Variants in MTREX observed in about 807,000 individuals in gnomAD.
MTREX encodes exosome RNA helicase MTR4.
MTREX carries 76 observed loss-of-function variants against 135.4 expected under a neutral mutation model. That is an observed-to-expected ratio of 0.56 (90% CI 0.47 to 0.68). The LOEUF (loss-of-function observed/expected upper bound fraction) is 0.68. Among genes scored for constraint, MTREX ranks in the 30% least tolerant of loss-of-function variants. The pLI is 0.00. For missense variants in MTREX, 920 were observed against 1,262.1 expected (o/e 0.73, Z 4.11); for synonymous variants, 404 against 401.6 (o/e 1.01, Z -0.07).
At chr5:55,317,045 C>G (rs1454972494) in intron 1 of MTREX, among the ~76,000 whole-genome samples, 7 of 151,892 alleles carry the variant, frequency 4.6e-5, no homozygotes, top group African/African-American at 1.5e-4. Flanking sequence ...CACCTCCCCC[C>G]TCCCACACAC....
At chr5:55,347,177 A>G (rs371642337) in intron 11 of MTREX, 33 bp downstream of exon 11, 12 of 1,558,806 alleles carry the variant, frequency 7.7e-6, no homozygotes, top group African/African-American at 4.2e-5. Context: ...TTTTAATGTT[A>G]TGTGAAAATG....
At chr5:55,336,310 C>G (rs1749552354) in intron 5 of MTREX, among the ~76,000 whole-genome samples, 1 of 152,106 alleles carries the variant, frequency 6.6e-6, no homozygotes, top group South Asian at 2.1e-4. Context: ...AGGAAGAAAG[C>G]ATTCAGTCTT....
At chr5:55,335,477 A>G (rs1749539884) in intron 5 of MTREX, among the ~76,000 whole-genome samples, 1 of 151,968 alleles carries the variant, frequency 6.6e-6, no homozygotes, top group Non-Finnish European at 1.5e-5. Context: ...TTCTCAAGTT[A>G]GTTTTTCTGT....
chr5:55,394,254 A>T (rs1453308602), intron 19 of MTREX, among the ~76,000 whole-genome samples: 2 of 152,158 alleles, frequency 1.3e-5, no homozygotes, highest in African/African-American at 4.8e-5. Flanking sequence ...TTCACTCTGG[A>T]TGTCGGCTAT....
Position 55,343,351 on chromosome 5 carries a change from G to T in MTREX, c.802G>T (p.Glu268Ter). The T allele has an allele frequency of 6.2e-7, 1 of 1,612,218 alleles. No homozygotes were observed. The highest frequency in any genetic ancestry group is 1.1e-5 in the South Asian group (1 of 90,894). The change falls in exon 8 of 27, where the codon GAA (glutamate) becomes TAA (stop). Residue 268 changes from glutamate (E) to a stop codon, truncating the protein, a stop_gained. Coordinates refer to ENST00000230640, the MANE Select transcript of MTREX (RefSeq NM_015360.5). LOFTEE classifies it high-confidence loss of function. The stretch of plus-strand genomic sequence containing the variant: ...TTCAGAACGTGGTGTAGTATGGGAA[G>T]AAACTATTATTTTGCTTCCTGATAA... ...RDSERGVVWEETIILLPDNVH... is the reference protein window; with the variant it reads ...RDSERGVVWE
intron 7 of MTREX, among the ~76,000 whole-genome samples, chr5:55,343,063 G>A (rs779173072): frequency 4.6e-5 from 7 of 152,152 alleles, no homozygotes; most frequent in Non-Finnish European, 5.9e-5. Flanking sequence ...TGAGGCTCTT[G>A]TTAGGTTGTT....
At chr5:55,405,619 A>ATT in intron 22 of MTREX, 31 bp downstream of exon 22, 9 of 1,435,702 alleles carry the variant, frequency 6.3e-6, no homozygotes, top group African/African-American at 1.5e-5. Context: ...TAGAAAGTTC[A>ATT]TTTTTTTTTT....
At chr5:55,359,290 C>T (rs7735748) in intron 15 of MTREX, among the ~76,000 whole-genome samples, 21,366 of 152,048 alleles carry the variant, frequency 0.14, 1,892 homozygotes, top group East Asian at 0.26. Flanking sequence ...GCCTGGTTGC[C>T]TTTTTTCTTC....
At chr5:55,410,435 T>C in intron 22 of MTREX, 89 bp from the exon 23 acceptor site, 1 of 601,310 alleles carries the variant, frequency 1.7e-6, no homozygotes, top group Non-Finnish European at 2.9e-6. Flanking sequence ...AAATAATATA[T>C]TTTATTAAAA....
intron 16 of MTREX, among the ~76,000 whole-genome samples, chr5:55,367,089 T>C (rs1487040577): frequency 1.3e-5 from 2 of 152,200 alleles, no homozygotes; most frequent in Non-Finnish European, 2.9e-5. Flanking sequence ...TATAGTTGGC[T>C]CAAATTTAGT....
chr5:55,377,334 AAAG>A (rs1750322270), intron 16 of MTREX, among the ~76,000 whole-genome samples: 1 of 152,220 alleles, frequency 6.6e-6, no homozygotes, highest in South Asian at 2.1e-4. Flanking sequence ...CTCTAAAAAA[AAAG>A]AAGAAAAAAG....
intron 19 of MTREX, among the ~76,000 whole-genome samples, chr5:55,395,747 A>T (rs953406865): frequency 3.3e-5 from 5 of 152,212 alleles, no homozygotes; most frequent in Non-Finnish European, 5.9e-5. Context: ...GAATCTTATG[A>T]TTCCTCATAA....
At chr5:55,381,649 T>G (rs558415399) in intron 18 of MTREX, among the ~76,000 whole-genome samples, 1 of 152,224 alleles carries the variant, frequency 6.6e-6, no homozygotes, top group East Asian at 1.9e-4. Flanking sequence ...TTGTTCTAAG[T>G]TTGCTTAATG....
chr5:55,414,246 T>G lies in MTREX; in HGVS notation c.2808+8T>G, dbSNP rs866632885. On this transcript the variant is annotated splice_region_variant and intron_variant, in intron 24 of 26. Transcript: ENST00000230640. ...CCACTTCGTCAAATGCAGGTAAGGT[T>G]TTTTTTTTTTTTTTTTGAACTACAT... 85 of 971,924 alleles carry G rather than the reference T, an allele frequency of 8.7e-5. No individual in the cohort carries two copies. Among genetic ancestry groups the G allele is most frequent in the Non-Finnish European group, 1.0e-4 (75 of 747,330 alleles). 60.2% of individuals were successfully genotyped at this position (971,924 alleles called of 1,614,324 possible).
intron 3 of MTREX, 196 bp downstream of exon 3, chr5:55,324,394 C>A: frequency 5.7e-5 from 7 of 121,966 alleles, no homozygotes; most frequent in Non-Finnish European, 9.9e-5. Context: ...TTTTTCTTAA[C>A]TATAATCTTG....
chr5:55,409,930 T>C (rs1194598348), intron 22 of MTREX, among the ~76,000 whole-genome samples: 3 of 152,150 alleles, frequency 2.0e-5, no homozygotes, highest in Non-Finnish European at 1.5e-5. Flanking sequence ...ATGTGAGTCT[T>C]CTGGCCAGGT....
At chr5:55,381,925 G>A (rs931383161) in intron 18 of MTREX, among the ~76,000 whole-genome samples, 2 of 152,000 alleles carry the variant, frequency 1.3e-5, no homozygotes, top group Admixed American at 6.6e-5. Flanking sequence ...GTGTTTTCAA[G>A]CTCTGTTAAA....
chr5:55,402,872 G>A lies in MTREX; in HGVS notation c.2481+2451G>A, dbSNP rs2561899. On this transcript the variant is annotated intron_variant, in intron 21 of 26. Transcript: ENST00000230640. ...TATGTATGTGTGTGTGTGTGTGTGTGTATATATATAATTTCTTTTTTTTTT... is the reference window on the plus strand; with the variant it reads ...TATGTATGTGTGTGTGTGTGTGTGTATATATATATAATTTCTTTTTTTTTT... 2.0e-3 allele frequency among the ~76,000 whole-genome samples: 272 copies of A among 138,806 alleles called. 2 individuals are homozygous for A. The highest frequency in any genetic ancestry group is 5.8e-3 in the African/African-American group (211 of 36,688). The allele number at this position is 138,806 out of a possible 152,430, so 91.1% of individuals were successfully genotyped here. A position where few individuals can be genotyped will look rare whatever the true frequency, so the allele number is the denominator to read the frequency against.
At chr5:55,369,715 A>G (rs549103743) in intron 16 of MTREX, among the ~76,000 whole-genome samples, 35 of 152,234 alleles carry the variant, frequency 2.3e-4, no homozygotes, top group Non-Finnish European at 4.1e-4. Flanking sequence ...GCCCCTTTCA[A>G]TTTTCAGGCC....
Sources: allele counts gnomAD v4.1 joint callset (sites outside exome capture counted in the v4.1 genomes callset), GRCh38; gene constraint gnomAD v4.1.1; transcripts MANE v1.5; gene names NCBI Gene and HGNC (gene_info 2026-07-23, HGNC 2026-07-21).